Variants in PRDM16 observed in about 807,000 individuals in gnomAD.
The protein encoded by PRDM16 is PR/SET domain 16.
In PRDM16, 23 loss-of-function variants were observed where a neutral mutation model predicts 110.6. That is an observed-to-expected ratio of 0.21 (90% confidence interval 0.15 to 0.29). The LOEUF (loss-of-function observed/expected upper bound fraction) is 0.29, where lower values mean the gene tolerates loss of function less well. Ranked by LOEUF, PRDM16 falls within the 10% of genes least tolerant of loss-of-function variation. The pLI, the probability that PRDM16 is intolerant of heterozygous loss-of-function variation, is 1.00. For missense variants in PRDM16, 1,615 were observed against 1,794.3 expected, an observed-to-expected ratio of 0.90 and a Z score of 1.81; for synonymous variants, 799 against 781.8, an observed-to-expected ratio of 1.02 and a Z score of -0.37.
In PRDM16 at chr1:3,263,836, G is replaced by A. The variant is rs543201255; in HGVS notation, c.438+19699G>A. Among the ~76,000 whole-genome samples, 4 of 152,336 alleles carry A rather than the reference G, an allele frequency of 2.6e-5. No individual in the cohort carries two copies. In the East Asian group the frequency reaches 5.8e-4, roughly 22 times the overall value. ...GAAAAGCGACCCCTGGGCAGGTGGC[G>A]CAGGTGGGGGTATGGCGGCACCATT... On this transcript the variant is annotated intron_variant, in intron 3 of 16. Transcript: ENST00000270722.
At chr1:3,420,930 G>A (rs1394845288) in intron 12 of PRDM16, among the ~76,000 whole-genome samples, 6 of 152,072 alleles carry the variant, frequency 3.9e-5, no homozygotes, top group Admixed American at 6.5e-5. Context: ...AGGGCTGCCC[G>A]GGACTCCTGC....
intron 3 of PRDM16, among the ~76,000 whole-genome samples, chr1:3,332,389 G>A (rs1051251900): frequency 1.2e-4 from 19 of 152,112 alleles, no homozygotes; most frequent in Non-Finnish European, 2.5e-4. Context: ...GGGGTGGTGT[G>A]GGCAGTGGGG....
chr1:3,107,604 G>A (rs751430547), intron 1 of PRDM16, among the ~76,000 whole-genome samples: 7 of 152,200 alleles, frequency 4.6e-5, no homozygotes, highest in Non-Finnish European at 7.3e-5. Context: ...CTCTGATGGC[G>A]GGTGTTTGTG....
Position 3,339,091 on chromosome 1 carries a change from G to A in PRDM16, c.439-46061G>A, listed in dbSNP as rs965877954. On this transcript the variant is annotated intron_variant, in intron 3 of 16. Coordinates refer to ENST00000270722, the MANE Select transcript of PRDM16 (RefSeq NM_022114.4). This position sits in a 1 kb window ranked among gnomAD's most constrained non-coding sequence, Gnocchi z 5.0. ...TCAAGGCGATCGATGGGGAGCTTCC[G>A]TGCACTCCCCTCTCTGGCCTCCCCA... Among the ~76,000 whole-genome samples the A allele has an allele frequency of 1.3e-5, 2 of 152,134 alleles. No individual in the cohort carries two copies. Among genetic ancestry groups the A allele is most frequent in the African/African-American group, 2.4e-5 (1 of 41,432 alleles).
chr1:3,432,267 C>T (rs1294641196), intron 16 of PRDM16, 127 bp downstream of exon 16: 8 of 738,080 alleles, frequency 1.1e-5, no homozygotes, highest in Admixed American at 5.0e-5. Flanking sequence ...CGCCCCCACG[C>T]TGCATCCTCC....
At chr1:3,131,007 G>A (rs1643323882) in intron 1 of PRDM16, among the ~76,000 whole-genome samples, 1 of 152,050 alleles carries the variant, frequency 6.6e-6, no homozygotes, top group Non-Finnish European at 1.5e-5. Flanking sequence ...TTATCCTGAC[G>A]TGCAGACCGC....
chr1:3,083,111 CCAAAGACAGGCTT>C (rs1642067744), intron 1 of PRDM16, among the ~76,000 whole-genome samples: 1 of 152,176 alleles, frequency 6.6e-6, no homozygotes, highest in South Asian at 2.1e-4. Context: ...CTTTCACTGG[CCAAAGACAGGCTT>C]GTGTGTGTGA....
chr1:3,368,320 G>A (rs1170247283), intron 3 of PRDM16, among the ~76,000 whole-genome samples: 6 of 152,316 alleles, frequency 3.9e-5, no homozygotes, highest in Middle Eastern at 3.4e-3. Flanking sequence ...AGAAGTTTGC[G>A]GGGGTCTTGG....
chr1:3,414,770 G>C (rs1643752603), intron 10 of PRDM16, 123 bp downstream of exon 10: 1 of 710,524 alleles, frequency 1.4e-6, no homozygotes, highest in African/African-American at 1.8e-5. Flanking sequence ...ACCACGCACA[G>C]ACGCCCTCAA....
Position 3,073,085 on chromosome 1 carries a change from G to A in PRDM16, c.37+3789G>A, listed in dbSNP as rs182331068. 4.4e-3 allele frequency among the ~76,000 whole-genome samples: 672 copies of A among 152,338 alleles called. 5 individuals are homozygous for A. The highest frequency in any genetic ancestry group is 0.015 in the African/African-American group (617 of 41,580). The stretch of plus-strand genomic sequence containing the variant: ...GCTCTTCCAGAGCAGGTGCCAGCCC[G>A]ACATCCTGGCCCCTCCTGGCCCCGA... On this transcript the variant is annotated intron_variant, in intron 1 of 16. Transcript: ENST00000270722.
chr1:3,291,676 C>T (rs912223074), intron 3 of PRDM16, among the ~76,000 whole-genome samples: 3 of 152,258 alleles, frequency 2.0e-5, no homozygotes, highest in African/African-American at 7.2e-5. Flanking sequence ...ATGAAGCACC[C>T]GTGTTGGGTC....
At chr1:3,413,888 G>A (rs1029263175) in intron 9 of PRDM16, among the ~76,000 whole-genome samples, 1 of 152,202 alleles carries the variant, frequency 6.6e-6, no homozygotes, top group African/African-American at 2.4e-5. Flanking sequence ...CCGGCATCTG[G>A]GGAAGGTTCT....
At chr1:3,285,948 G>A (rs577472913) in intron 3 of PRDM16, among the ~76,000 whole-genome samples, 1 of 152,198 alleles carries the variant, frequency 6.6e-6, no homozygotes, top group Non-Finnish European at 1.5e-5. Flanking sequence ...CCTGCGGCGT[G>A]ACACAAGGAA....
At chr1:3,296,182 G>C (rs539710998) in intron 3 of PRDM16, among the ~76,000 whole-genome samples, 1 of 152,326 alleles carries the variant, frequency 6.6e-6, no homozygotes, top group East Asian at 1.9e-4. Context: ...CTGGGGAAGT[G>C]GCTGTCGGCT....
chr1:3,093,939 G>A (rs542731702), intron 1 of PRDM16, among the ~76,000 whole-genome samples: 2 of 152,364 alleles, frequency 1.3e-5, no homozygotes, highest in East Asian at 3.9e-4. Context: ...ATTTCCCTGA[G>A]CCCCGAGAAT....
intron 1 of PRDM16, among the ~76,000 whole-genome samples, chr1:3,165,407 AGTGACTCACCTGGGCT>A (rs1557495636): frequency 4.2e-5 from 6 of 143,192 alleles, no homozygotes; most frequent in East Asian, 4.2e-4. Flanking sequence ...GCTCAGGGAC[AGTGACTCACCTGGGCT>A]CAGGGACAGT....
intron 3 of PRDM16, among the ~76,000 whole-genome samples, chr1:3,279,236 G>A (rs1640656833): frequency 6.6e-6 from 1 of 152,246 alleles, no homozygotes; most frequent in Non-Finnish European, 1.5e-5. Flanking sequence ...CCTCGGCTCA[G>A]CAGAAGCCCT....
intron 1 of PRDM16, among the ~76,000 whole-genome samples, chr1:3,083,027 G>A (rs988449824): frequency 1.4e-4 from 21 of 152,306 alleles, no homozygotes; most frequent in African/African-American, 5.1e-4. Flanking sequence ...CGGAACGCTC[G>A]CCTGTGGCTC....
chr1:3,240,116 G>A (rs1639635173), intron 2 of PRDM16, among the ~76,000 whole-genome samples: 1 of 150,862 alleles, frequency 6.6e-6, no homozygotes, highest in Non-Finnish European at 1.5e-5. Context: ...GAGGAGAAGA[G>A]AAGAGAAGAA....
Sources: gnomAD v4.1 joint callset for allele counts (sites outside exome capture counted in the v4.1 genomes callset) on GRCh38, gnomAD v4.1.1 for gene constraint, Gnocchi (gnomAD v3.1) non-coding constraint, MANE v1.5 for transcripts, NCBI Gene and HGNC (gene_info 2026-07-23, HGNC 2026-07-21) for gene names.